Variants in WRN observed in about 807,000 individuals in gnomAD.
WRN encodes WRN RecQ like helicase.
WRN carries 149 observed loss-of-function variants against 180.7 expected under a neutral mutation model. The observed-to-expected ratio is 0.82, with a 90% CI of 0.72 to 0.94. The LOEUF (loss-of-function observed/expected upper bound fraction) is 0.94, where lower values mean the gene tolerates loss of function less well. Ranked by LOEUF, WRN falls within the 40% of genes least tolerant of loss-of-function variation. The probability of loss-of-function intolerance (pLI) is 0.00; values close to 1 mark genes in which losing one functional copy is unlikely to be tolerated. For missense variants in WRN, 1,661 were observed against 1,700.1 expected, an observed-to-expected ratio of 0.98 and a Z score of 0.40; for synonymous variants, 548 against 568.9, an observed-to-expected ratio of 0.96 and a Z score of 0.52.
At chr8:31,063,555 C>G (rs1259179118) in intron 3 of WRN, among the ~76,000 whole-genome samples, 1 of 151,956 alleles carries the variant, frequency 6.6e-6, no homozygotes, top group East Asian at 1.9e-4. Context: ...AGGATTTTAC[C>G]AATTTATACA....
chr8:31,047,459 A>G (rs1811914399), intron 1 of WRN, among the ~76,000 whole-genome samples: 1 of 152,200 alleles, frequency 6.6e-6, no homozygotes, highest in Admixed American at 6.5e-5. Context: ...CATTGCAGCA[A>G]GAGAAATTGG....
chr8:31,081,114 C>G lies in WRN; in HGVS notation c.1087C>G (p.Leu363Val). 6.2e-7 allele frequency: 1 copy of G among 1,613,868 alleles called. No individual in the cohort carries two copies. The highest frequency in any genetic ancestry group is 8.5e-7 in the Non-Finnish European group (1 of 1,179,948). ...AGCTAAACATGATGGAGAAGATGTA[C>G]TTGGAAATAAAGTGGAACGAAAAGA... ...HLAKHDGEDVLGNKVERKEDG... is the reference protein window; with the variant it reads ...HLAKHDGEDVVGNKVERKEDG... The change falls in exon 9 of 35, where the codon CTT becomes GTT. Residue 363 changes from leucine to valine, a missense_variant. Leu to Val is a conservative substitution (Grantham distance 32, BLOSUM62 1). This residue lies in a region of WRN where 500 missense variants were observed against 504.1 expected (regional missense o/e 0.99). Coordinates refer to ENST00000298139, the MANE Select transcript of WRN (RefSeq NM_000553.6).
intron 16 of WRN, among the ~76,000 whole-genome samples, chr8:31,092,809 A>G (rs995680775): frequency 1.3e-5 from 2 of 152,044 alleles, no homozygotes; most frequent in African/African-American, 2.4e-5. Flanking sequence ...TTTCTCTACC[A>G]TAGTTTGGTA....
At chr8:31,132,240 AG>A (rs1802207874) in intron 23 of WRN, 124 bp from the exon 24 acceptor site, 9 of 1,161,564 alleles carry the variant, frequency 7.7e-6, no homozygotes, top group Non-Finnish European at 1.1e-5. Context: ...CTTTATTCAT[AG>A]CTTCTGAAGC....
At chr8:31,102,062 C>T (rs894649411) in intron 18 of WRN, among the ~76,000 whole-genome samples, 2 of 151,970 alleles carry the variant, frequency 1.3e-5, no homozygotes, top group African/African-American at 4.8e-5. Context: ...AGAGTTTATT[C>T]CTATTTCTCT....
intron 8 of WRN, among the ~76,000 whole-genome samples, chr8:31,078,145 G>A (rs940060727): frequency 5.3e-5 from 8 of 152,092 alleles, no homozygotes; most frequent in Non-Finnish European, 8.8e-5. Flanking sequence ...GATTTAGTTG[G>A]GTATGACAAG....
chr8:31,090,756 A>G, intron 14 of WRN, 78 bp from the exon 15 acceptor site: 1 of 1,280,088 alleles, frequency 7.8e-7, no homozygotes, highest in South Asian at 1.4e-5. Context: ...TACATTGTAA[A>G]AAGAAATGAA....
chr8:31,111,943 C>T, intron 19 of WRN, 144 bp downstream of exon 19: 1 of 1,009,718 alleles, frequency 9.9e-7, no homozygotes, highest in Non-Finnish European at 1.5e-6. Flanking sequence ...TCAAGTCAAG[C>T]ATGATGTTAT....
intron 19 of WRN, 111 bp from the exon 20 acceptor site, chr8:31,116,243 T>C: frequency 9.0e-7 from 1 of 1,110,356 alleles, no homozygotes; most frequent in Non-Finnish European, 1.3e-6. Context: ...TTTCTTCCTT[T>C]AGTCTTTTCT....
chr8:31,116,270 A>C (rs1371048071), intron 19 of WRN, 84 bp from the exon 20 acceptor site: 97 of 1,384,022 alleles, frequency 7.0e-5, no homozygotes, highest in Non-Finnish European at 9.4e-5. Flanking sequence ...GGTAGAAAGG[A>C]AGAATTAAAT....
At chr8:31,139,202 A>G (rs1013465390) in intron 24 of WRN, among the ~76,000 whole-genome samples, 1 of 152,200 alleles carries the variant, frequency 6.6e-6, no homozygotes, top group South Asian at 2.1e-4. Context: ...AGAGAGCCCT[A>G]TAGTTGCCTT....
chr8:31,105,843 T>C (rs1801075049), intron 18 of WRN, among the ~76,000 whole-genome samples: 1 of 152,210 alleles, frequency 6.6e-6, no homozygotes, highest in Non-Finnish European at 1.5e-5. Context: ...ATATGAGTGA[T>C]TCAGTTGTTT....
At chr8:31,165,927 G>A (rs939971001) in intron 33 of WRN, among the ~76,000 whole-genome samples, 1 of 152,082 alleles carries the variant, frequency 6.6e-6, no homozygotes, top group Admixed American at 6.5e-5. Context: ...TCACGTTGCT[G>A]ATTTTACTAT....
At chr8:31,141,652 C>A (rs929386421) in intron 25 of WRN, 29 bp from the exon 26 acceptor site, 1 of 1,614,010 alleles carries the variant, frequency 6.2e-7, no homozygotes, top group Non-Finnish European at 8.5e-7. Flanking sequence ...TCCCACTCCA[C>A]ATTAAAAGAT....
chr8:31,058,672 A>G, intron 2 of WRN, 129 bp downstream of exon 2: 1 of 885,370 alleles, frequency 1.1e-6, no homozygotes, highest in Non-Finnish European at 1.8e-6. Context: ...TAAATGCACC[A>G]GGACCTAGTT....
chr8:31,132,218 G>C (rs1253774853), intron 23 of WRN, 147 bp from the exon 24 acceptor site: 4 of 882,870 alleles, frequency 4.5e-6, no homozygotes, highest in Admixed American at 2.8e-5. Flanking sequence ...TTACATACTC[G>C]GGTATAATGA....
At chr8:31,118,503 T>C (rs902915716) in intron 20 of WRN, among the ~76,000 whole-genome samples, 12 of 152,004 alleles carry the variant, frequency 7.9e-5, no homozygotes, top group African/African-American at 2.7e-4. Flanking sequence ...TAGTCAGGTG[T>C]TCTTGCAATT....
At chr8:31,058,898 A>G (rs1812379380) in intron 2 of WRN, among the ~76,000 whole-genome samples, 1 of 152,192 alleles carries the variant, frequency 6.6e-6, no homozygotes, top group African/African-American at 2.4e-5. Flanking sequence ...ATTACCAGAG[A>G]AAAAACTCAG....
chr8:31,036,147 A>G (rs566210504), intron 1 of WRN, among the ~76,000 whole-genome samples: 30 of 152,244 alleles, frequency 2.0e-4, no homozygotes, highest in Non-Finnish European at 3.5e-4. Context: ...TATTTCACTT[A>G]ACAGAATGTC....
Sources: allele counts gnomAD v4.1 joint callset (sites outside exome capture counted in the v4.1 genomes callset), GRCh38; gene constraint gnomAD v4.1.1; regional missense constraint gnomAD v4.1.1; transcripts MANE v1.5; gene names NCBI Gene and HGNC (gene_info 2026-07-23, HGNC 2026-07-21).